The following SLC25A48 variants were observed in gnomAD, a reference collection of about 807,000 sequenced individuals.
The protein encoded by SLC25A48 is CTC-321K16.1.
A neutral mutation model predicts 32.2 loss-of-function variants in SLC25A48; 29 were observed. The observed-to-expected ratio is 0.90, with a 90% CI of 0.67 to 1.23. SLC25A48 has a LOEUF of 1.23. Ranked by LOEUF, SLC25A48 falls within the 50% of genes most tolerant of loss-of-function variation. The pLI, the probability that SLC25A48 is intolerant of heterozygous loss-of-function variation, is 0.00. For missense variants in SLC25A48, 399 were observed against 422.7 expected, an observed-to-expected ratio of 0.94 and a Z score of 0.49; for synonymous variants, 164 against 172.3, an observed-to-expected ratio of 0.95 and a Z score of 0.38.
At chr5:135,841,373 G>A (rs1344683586) in intron 1 of SLC25A48, among the ~76,000 whole-genome samples, 1 of 152,132 alleles carries the variant, frequency 6.6e-6, no homozygotes, top group Non-Finnish European at 1.5e-5. Flanking sequence ...GTGTGCAAAA[G>A]TTTTCAATTT....
At chr5:135,801,883 G>T (rs1036529359) in intron 3 of SLC25A48, among the ~76,000 whole-genome samples, 45 of 151,698 alleles carry the variant, frequency 3.0e-4, no homozygotes, top group Admixed American at 4.0e-4. Context: ...TCGCAATATT[G>T]CAAGAAGTGT....
intron 3 of SLC25A48, among the ~76,000 whole-genome samples, chr5:135,798,089 T>C (rs1757232441): frequency 6.6e-6 from 1 of 151,372 alleles, no homozygotes; most frequent in Non-Finnish European, 1.5e-5. Context: ...TATCAAAGGG[T>C]GTGTGCACCA....
chr5:135,743,766 C>T (rs1755566122), intron 3 of SLC25A48, among the ~76,000 whole-genome samples: 1 of 152,250 alleles, frequency 6.6e-6, no homozygotes, highest in Non-Finnish European at 1.5e-5. Flanking sequence ...CCAAAGGCCT[C>T]ATGCATCTCC....
chr5:135,804,430 T>C (rs1757415746), intron 3 of SLC25A48, among the ~76,000 whole-genome samples: 1 of 151,362 alleles, frequency 6.6e-6, no homozygotes, highest in African/African-American at 2.4e-5. Flanking sequence ...GATCTCGCTG[T>C]GTGTGTGTGT....
chr5:135,752,313 G>A (rs1386116937), intron 3 of SLC25A48, among the ~76,000 whole-genome samples: 1 of 152,192 alleles, frequency 6.6e-6, no homozygotes, highest in Non-Finnish European at 1.5e-5. Flanking sequence ...GCTCACCCCT[G>A]TAATCCCAGC....
intron 4 of SLC25A48, among the ~76,000 whole-genome samples, chr5:135,861,077 C>T (rs1760741617): frequency 1.3e-5 from 2 of 152,126 alleles, no homozygotes; most frequent in African/African-American, 2.4e-5. Flanking sequence ...AGAAAGTGCC[C>T]ATTCATGCAA....
chr5:135,724,417 C>T (rs534125970), intron 3 of SLC25A48, among the ~76,000 whole-genome samples: 1 of 152,230 alleles, frequency 6.6e-6, no homozygotes, highest in African/African-American at 2.4e-5. Context: ...CCTGCGCCAC[C>T]CAGCTCCTCG....
At chr5:135,718,745 A>G (rs1350121769) in intron 3 of SLC25A48, among the ~76,000 whole-genome samples, 4 of 152,234 alleles carry the variant, frequency 2.6e-5, no homozygotes, top group Non-Finnish European at 2.9e-5. Context: ...AGAAAAACCA[A>G]TCCCCAAGGG....
chr5:135,731,506 G>A (rs1377751216), intron 3 of SLC25A48, among the ~76,000 whole-genome samples: 1 of 152,208 alleles, frequency 6.6e-6, no homozygotes, highest in Non-Finnish European at 1.5e-5. Flanking sequence ...GCTGCTTCAA[G>A]CGGTATTAGG....
rs182188196 is a variant in SLC25A48, at chr5:135,702,813, G to T, written c.-521+67857G>T. Among the ~76,000 whole-genome samples the T allele has an allele frequency of 1.3e-4, 20 of 152,336 alleles. No individual in the cohort carries two copies. The South Asian group carries it at 3.9e-3, about 30-fold the overall frequency. On this transcript the variant is annotated intron_variant, in intron 3 of 10. Transcript: ENST00000646290. ...TTGGGATCCCATTCTCACAAAACAC[G>T]TGTTAGCGTGGCGTGGAGCTGGGGC...
chr5:135,629,579 G>C lies in SLC25A48; in HGVS notation c.-709+203G>C, dbSNP rs962105470. On this transcript the variant is annotated intron_variant, in intron 2 of 10. Transcript: ENST00000646290. The surrounding 1 kb of genome is among the most constrained non-coding windows in gnomAD (Gnocchi z 4.8). ...TGGAATGTGGAGTGAGGAAGTAAGA[G>C]ATGGAAGGGAAAGAAGCCGATAAAA... is the stretch of plus-strand genomic sequence containing the variant. Among the ~76,000 whole-genome samples the C allele has an allele frequency of 6.6e-6, 1 of 152,214 alleles. No homozygotes were observed. The highest frequency in any genetic ancestry group is 1.5e-5 in the Non-Finnish European group (1 of 68,042).
chr5:135,732,607 C>A (rs1318884154), intron 3 of SLC25A48, among the ~76,000 whole-genome samples: 4 of 152,238 alleles, frequency 2.6e-5, no homozygotes, highest in African/African-American at 7.2e-5. Flanking sequence ...GGATAGATTT[C>A]CACGATGGAA....
rs553416250 is a variant in SLC25A48, at chr5:135,668,653, C to T, written c.-521+33697C>T. On this transcript the variant is annotated intron_variant, in intron 3 of 10. Coordinates refer to the SLC25A48 transcript ENST00000646290. Reference sequence around the variant, plus strand: ...CAAACAAATGTATGAAAAGCAACATCATAACCCAGAACATCAATCACAGCT... The same window carrying T: ...CAAACAAATGTATGAAAAGCAACATTATAACCCAGAACATCAATCACAGCT... Among the ~76,000 whole-genome samples, 3 of 152,304 alleles carry T rather than the reference C, an allele frequency of 2.0e-5. No homozygotes were observed. The East Asian group carries it at 5.8e-4, about 29-fold the overall frequency.
intron 3 of SLC25A48, among the ~76,000 whole-genome samples, chr5:135,729,566 A>G (rs1048491374): frequency 2.0e-5 from 3 of 152,200 alleles, no homozygotes; most frequent in Non-Finnish European, 4.4e-5. Context: ...TGCTTGCATA[A>G]GTAAATTTTA....
intron 1 of SLC25A48, 110 bp from the exon 2 acceptor site, chr5:135,842,306 C>A: frequency 8.8e-7 from 1 of 1,134,714 alleles, no homozygotes; most frequent in Non-Finnish European, 1.3e-6. Flanking sequence ...CTCCCCCTAC[C>A]CCAGCAATTG....
intron 3 of SLC25A48, among the ~76,000 whole-genome samples, chr5:135,659,258 AC>A (rs34603471): frequency 0.43 from 66,001 of 152,044 alleles, 14,821 homozygotes; most frequent in South Asian, 0.49. Flanking sequence ...TCCACCAGAT[AC>A]CATAAATCAT....
intron 7 of SLC25A48, among the ~76,000 whole-genome samples, chr5:135,885,114 T>TA (rs1249775665): frequency 6.6e-6 from 1 of 152,014 alleles, no homozygotes; most frequent in Non-Finnish European, 1.5e-5. Context: ...TTTTACGGTG[T>TA]AAAAAAGACA....
rs748592668 is a variant in SLC25A48, at chr5:135,729,367, T to TG, written c.-520-83154dup. Reference sequence around the variant, plus strand: ...TGTTGAGGAAAGATTTTTTTTTTTTTGGTCCCTGGGAATTTAAATAATTTG... The same window carrying TG: ...TGTTGAGGAAAGATTTTTTTTTTTTTGGGTCCCTGGGAATTTAAATAATTTG... On this transcript the variant is annotated intron_variant, in intron 3 of 10. Coordinates refer to the SLC25A48 transcript ENST00000646290. Among the ~76,000 whole-genome samples, 71 of 152,166 alleles carry TG rather than the reference T, an allele frequency of 4.7e-4. 2 individuals are homozygous for TG. In the East Asian group the frequency reaches 0.014, roughly 29 times the overall value.
chr5:135,688,543 A>G (rs1461930459), intron 3 of SLC25A48, among the ~76,000 whole-genome samples: 1 of 152,278 alleles, frequency 6.6e-6, no homozygotes, highest in Non-Finnish European at 1.5e-5. Flanking sequence ...AAATTGCAAA[A>G]TAACTTATTC....
Sources: allele counts gnomAD v4.1 joint callset (sites outside exome capture counted in the v4.1 genomes callset), GRCh38; gene constraint gnomAD v4.1.1; non-coding constraint Gnocchi (gnomAD v3.1); transcripts MANE v1.5; gene names NCBI Gene and HGNC (gene_info 2026-07-23, HGNC 2026-07-21).